The following GRM1 variants were observed in gnomAD, a reference collection of about 807,000 sequenced individuals.
The protein encoded by GRM1 is glutamate metabotropic receptor 1.
In GRM1, 33 loss-of-function variants were observed where a neutral mutation model predicts 90.9. The observed-to-expected ratio is 0.36, with a 90% CI of 0.28 to 0.49. The LOEUF (loss-of-function observed/expected upper bound fraction) is 0.49, where lower values mean the gene tolerates loss of function less well. Among genes scored for constraint, GRM1 ranks in the 20% least tolerant of loss-of-function variants. GRM1 has a pLI of 0.99. For missense variants in GRM1, 1,190 were observed against 1,534.3 expected (o/e 0.78, Z 3.75); for synonymous variants, 700 against 613.2 (o/e 1.14, Z -2.09).
intron 3 of GRM1, among the ~76,000 whole-genome samples, chr6:146,307,449 T>A (rs1048129497): frequency 1.4e-4 from 21 of 152,196 alleles, no homozygotes; most frequent in African/African-American, 4.1e-4. Context: ...TTTATCTATA[T>A]TATCTATGAT....
At chr6:146,096,517 C>T (rs1125461) in intron 1 of GRM1, among the ~76,000 whole-genome samples, 57,872 of 151,982 alleles carry the variant, frequency 0.38, 11,557 homozygotes, top group Middle Eastern at 0.54. Context: ...GCAGTAATAC[C>T]GTATGCTCCA....
At chr6:146,304,055 A>T (rs1036363456) in intron 2 of GRM1, among the ~76,000 whole-genome samples, 4 of 152,158 alleles carry the variant, frequency 2.6e-5, no homozygotes, top group Non-Finnish European at 4.4e-5. Context: ...AAGTAACATT[A>T]AAAAAATGAA....
At chr6:146,261,984 G>A (rs73009056) in intron 2 of GRM1, among the ~76,000 whole-genome samples, 4,821 of 151,194 alleles carry the variant, frequency 0.032, 118 homozygotes, top group Non-Finnish European at 0.051. Context: ...GAAAGGGCAC[G>A]CCATGTTTCA....
At chr6:146,255,404 AT>A (rs1781442828) in intron 2 of GRM1, among the ~76,000 whole-genome samples, 1 of 152,130 alleles carries the variant, frequency 6.6e-6, no homozygotes, top group South Asian at 2.1e-4. Context: ...TAATTATTTC[AT>A]TTTTAATGAT....
chr6:146,381,674 G>A (rs911179245), intron 5 of GRM1, among the ~76,000 whole-genome samples: 3 of 152,030 alleles, frequency 2.0e-5, no homozygotes, highest in South Asian at 2.1e-4. Flanking sequence ...TCTCTATTCC[G>A]CCATCTTGCT....
In GRM1 at chr6:146,200,296, G is replaced by A. The variant is rs57093324; in HGVS notation, c.950+40699G>A. On this transcript the variant is annotated intron_variant, in intron 2 of 7. Coordinates refer to ENST00000282753, the MANE Select transcript of GRM1 (RefSeq NM_001278064.2). ...AAAGCTCCCTTGCTCTCATCTTTTA[G>A]TCTTAAACTGCTTGTCATGGTTTTC... Among the ~76,000 whole-genome samples the A allele has an allele frequency of 2.3e-3, 351 of 152,200 alleles. 3 individuals carry two copies. The highest frequency in any genetic ancestry group is 8.3e-3 in the African/African-American group (343 of 41,514).
intron 4 of GRM1, among the ~76,000 whole-genome samples, chr6:146,356,900 T>C (rs1375778537): frequency 6.6e-6 from 1 of 152,192 alleles, no homozygotes. Flanking sequence ...TTTGCCATTG[T>C]GTAGTGTTCC....
chr6:146,415,271 T>C (rs1464123974), intron 7 of GRM1, among the ~76,000 whole-genome samples: 5 of 152,110 alleles, frequency 3.3e-5, no homozygotes, highest in Non-Finnish European at 5.9e-5. Context: ...GTAATCTCAC[T>C]TCTGAAGCCT....
intron 1 of GRM1, among the ~76,000 whole-genome samples, chr6:146,151,349 T>G (rs1384615067): frequency 6.6e-6 from 1 of 152,230 alleles, no homozygotes; most frequent in Non-Finnish European, 1.5e-5. Flanking sequence ...TGAGCAATGT[T>G]GAATACAGTT....
intron 1 of GRM1, among the ~76,000 whole-genome samples, chr6:146,043,796 T>TATAGATATATATATATATATATATATAG (rs1554260528): frequency 7.2e-6 from 1 of 137,940 alleles, no homozygotes; most frequent in African/African-American, 2.6e-5. Flanking sequence ...TATATATATA[T>TATAGATATATATATATATATATATATAG]ATATATATAT....
chr6:146,271,393 T>A (rs1782158714), intron 2 of GRM1, among the ~76,000 whole-genome samples: 1 of 151,970 alleles, frequency 6.6e-6, no homozygotes, highest in Non-Finnish European at 1.5e-5. Context: ...CAGACTGTAA[T>A]GAGGTAGGAG....
rs532190409 is a variant in GRM1 at position 146,038,694 on chromosome 6, G to A, written c.700+8477G>A. ...GCACTCACAGCATGTGGCCCTCAAT[G>A]CAAATCTTTTGATTGGACAGCATAT... On this transcript the variant is annotated intron_variant, in intron 1 of 7. Transcript: ENST00000282753. Among the ~76,000 whole-genome samples, 7 of 151,776 alleles carry A rather than the reference G, an allele frequency of 4.6e-5. No homozygotes were observed. In the East Asian group the frequency reaches 1.4e-3, roughly 30 times the overall value.
In GRM1 at chr6:146,337,992, G is replaced by T. The variant is rs369135234; in HGVS notation, c.1187-14258G>T. 3.9e-5 allele frequency among the ~76,000 whole-genome samples: 6 copies of T among 152,114 alleles called. No homozygotes were observed. In the East Asian group the frequency reaches 1.2e-3, roughly 29 times the overall value. ...CAGCTGATGGTAAAATACATGCTATGATTTTTCCTGGGGGGAAATTTTCCA... is the reference window on the plus strand; with the variant it reads ...CAGCTGATGGTAAAATACATGCTATTATTTTTCCTGGGGGGAAATTTTCCA... On this transcript the variant is annotated intron_variant, in intron 3 of 7. Coordinates refer to ENST00000282753, the MANE Select transcript of GRM1 (RefSeq NM_001278064.2).
chr6:146,090,293 ACTCTTG>A (rs920434585), intron 1 of GRM1, among the ~76,000 whole-genome samples: 1 of 152,010 alleles, frequency 6.6e-6, no homozygotes, highest in African/African-American at 2.4e-5. Flanking sequence ...TCTATTTTTA[ACTCTTG>A]TTGTATTTCA....
At chr6:146,074,236 G>T (rs1040576209) in intron 1 of GRM1, among the ~76,000 whole-genome samples, 1 of 152,146 alleles carries the variant, frequency 6.6e-6, no homozygotes, top group African/African-American at 2.4e-5. Context: ...GGTTGGAGTG[G>T]TGTGGGCAAG....
intron 2 of GRM1, among the ~76,000 whole-genome samples, chr6:146,213,271 G>T (rs1302037280): frequency 6.6e-6 from 1 of 152,128 alleles, no homozygotes. Context: ...AATTCAAAAT[G>T]AGAGGGTTGG....
At chr6:146,332,938 G>A (rs1784634909) in intron 3 of GRM1, among the ~76,000 whole-genome samples, 1 of 152,098 alleles carries the variant, frequency 6.6e-6, no homozygotes, top group Non-Finnish European at 1.5e-5. Flanking sequence ...TCGTTATCAT[G>A]GATTGCCTCT....
At chr6:146,391,207 G>A (rs1487507729) in intron 6 of GRM1, among the ~76,000 whole-genome samples, 2 of 151,902 alleles carry the variant, frequency 1.3e-5, no homozygotes, top group African/African-American at 4.8e-5. Flanking sequence ...AGATGTACTG[G>A]ATCTTATAAG....
Position 146,352,329 on chromosome 6 carries a change from T to C in GRM1, c.1266T>C (p.His422=). The C allele has an allele frequency of 1.2e-6, 2 of 1,613,932 alleles. No homozygotes were observed. Among genetic ancestry groups the C allele is most frequent in the South Asian group, 1.1e-5 (1 of 91,084 alleles). The change falls in exon 4 of 8, where the codon CAT becomes CAC. Residue 422 remains histidine (H), a synonymous_variant. Coordinates refer to ENST00000282753, the MANE Select transcript of GRM1 (RefSeq NM_001278064.2). The part of the protein sequence containing the change: ...FVINAIYAMA[H]GLQNMHHALC... ...TCAATGCCATCTATGCCATGGCACA[T>C]GGGCTGCAGAACATGCACCATGCCC...
Sources: gnomAD v4.1 joint callset for allele counts (sites outside exome capture counted in the v4.1 genomes callset) on GRCh38, gnomAD v4.1.1 for gene constraint, MANE v1.5 for transcripts, NCBI Gene and HGNC (gene_info 2026-07-23, HGNC 2026-07-21) for gene names.